Variants in DOCK3 observed in about 807,000 individuals in gnomAD.
The protein encoded by DOCK3 is dedicator of cytokinesis 3.
In DOCK3, 60 loss-of-function variants were observed where a neutral mutation model predicts 265.6. That is an observed-to-expected ratio of 0.23 (90% CI 0.18 to 0.28). The LOEUF is 0.28. Ranked by LOEUF, DOCK3 falls within the 10% of genes least tolerant of loss-of-function variation. The pLI is 1.00. For missense variants in DOCK3, 1,981 were observed against 2,594.3 expected, an observed-to-expected ratio of 0.76 and a Z score of 5.14; for synonymous variants, 881 against 938.0, an observed-to-expected ratio of 0.94 and a Z score of 1.11.
At chr3:50,847,995 A>G (rs981811972) in intron 3 of DOCK3, among the ~76,000 whole-genome samples, 26 of 150,950 alleles carry the variant, frequency 1.7e-4, no homozygotes, top group African/African-American at 5.4e-4. Context: ...TTGGGTGCCT[A>G]TGTATTTAGG....
chr3:50,759,663 C>T (rs540501455), intron 1 of DOCK3, among the ~76,000 whole-genome samples: 28 of 133,588 alleles, frequency 2.1e-4, no homozygotes, highest in Non-Finnish European at 3.6e-4. Context: ...CAAGTAAGAC[C>T]CCGTCTCTAA....
chr3:51,024,295 G>A (rs994539389), intron 5 of DOCK3, among the ~76,000 whole-genome samples: 25 of 152,124 alleles, frequency 1.6e-4, no homozygotes, highest in Non-Finnish European at 7.4e-5. Context: ...CTCTCATGGT[G>A]TATGGTTTAT....
intron 49 of DOCK3, among the ~76,000 whole-genome samples, chr3:51,370,390 A>G (rs2087583392): frequency 6.6e-6 from 1 of 152,238 alleles, no homozygotes; most frequent in Non-Finnish European, 1.5e-5. Flanking sequence ...AAGGCAACCA[A>G]GGATGGACAT....
At chr3:51,198,611 G>A (rs908421512) in intron 12 of DOCK3, among the ~76,000 whole-genome samples, 4 of 151,870 alleles carry the variant, frequency 2.6e-5, no homozygotes, top group Non-Finnish European at 5.9e-5. Context: ...GAAAGGGAGG[G>A]ATGGAGCTAG....
At chr3:51,072,230 G>A (rs4244700) in intron 6 of DOCK3, among the ~76,000 whole-genome samples, 137,114 of 152,140 alleles carry the variant, frequency 0.9, 61,981 homozygotes, top group African/African-American at 0.95. Context: ...ATGGGAGGGC[G>A]GCTGACTGTA....
intron 5 of DOCK3, among the ~76,000 whole-genome samples, chr3:51,008,718 A>G (rs539738412): frequency 7.2e-5 from 11 of 152,148 alleles, no homozygotes; most frequent in Non-Finnish European, 1.3e-4. Flanking sequence ...GAATGCTTCC[A>G]GTTTTTGCCC....
chr3:51,244,651 C>G (rs929474888), intron 21 of DOCK3, among the ~76,000 whole-genome samples: 2 of 152,086 alleles, frequency 1.3e-5, no homozygotes, highest in Non-Finnish European at 2.9e-5. Flanking sequence ...TCTTCCTTTT[C>G]AATTTGAATG....
chr3:51,036,643 C>A (rs1360574075), intron 5 of DOCK3, among the ~76,000 whole-genome samples: 1 of 151,940 alleles, frequency 6.6e-6, no homozygotes, highest in East Asian at 1.9e-4. Flanking sequence ...GGCTCCATTT[C>A]TCTTTACTTT....
chr3:51,308,160 G>T (rs1005678845), intron 27 of DOCK3, among the ~76,000 whole-genome samples: 1 of 151,838 alleles, frequency 6.6e-6, no homozygotes, highest in African/African-American at 2.4e-5. Flanking sequence ...GAGGTGGGAG[G>T]GGAAGGGAAT....
intron 20 of DOCK3, 141 bp downstream of exon 20, chr3:51,236,569 C>G (rs2078359716): frequency 1.7e-5 from 12 of 726,932 alleles, no homozygotes; most frequent in Non-Finnish European, 2.7e-5. Context: ...GACTGTCACC[C>G]AAGGAAGACC....
intron 4 of DOCK3, among the ~76,000 whole-genome samples, chr3:50,925,489 A>T (rs1173013689): frequency 6.6e-6 from 1 of 152,082 alleles, no homozygotes; most frequent in African/African-American, 2.4e-5. Context: ...GCCATAGTGC[A>T]CTATGATCAT....
rs575898198 is a variant in DOCK3 at position 51,146,540 on chromosome 3, A to G, written c.747-9A>G. On this transcript the variant is annotated splice_polypyrimidine_tract_variant and intron_variant, in intron 9 of 52. Coordinates refer to ENST00000266037, the MANE Select transcript of DOCK3 (RefSeq NM_004947.5). ...ACATTTCTCTATATCTTTCTTTCCT[A>G]CATTTCAGTGAGCGGTTTCTGGTAA... 3.8e-6 allele frequency: 6 copies of G among 1,585,148 alleles called. No homozygotes were observed. The Admixed American group carries it at 5.4e-5, about 14-fold the overall frequency.
intron 3 of DOCK3, among the ~76,000 whole-genome samples, chr3:50,865,832 G>C (rs1204508532): frequency 6.6e-6 from 1 of 152,038 alleles, no homozygotes; most frequent in Non-Finnish European, 1.5e-5. Context: ...TTGTCTTTTG[G>C]ATATAAGCCA....
intron 12 of DOCK3, among the ~76,000 whole-genome samples, chr3:51,167,767 A>G (rs1488485109): frequency 6.6e-6 from 1 of 152,094 alleles, no homozygotes; most frequent in Non-Finnish European, 1.5e-5. Context: ...GTATATAGAA[A>G]TATTGCTGAT....
chr3:51,004,867 C>G (rs572803010), intron 5 of DOCK3, among the ~76,000 whole-genome samples: 1 of 148,690 alleles, frequency 6.7e-6, no homozygotes, highest in Non-Finnish European at 1.5e-5. Flanking sequence ...TACTCTTTAT[C>G]GTTCATTCAG....
At chr3:51,370,693 T>C (rs970377529) in intron 49 of DOCK3, among the ~76,000 whole-genome samples, 2 of 152,248 alleles carry the variant, frequency 1.3e-5, no homozygotes, top group East Asian at 3.8e-4. Context: ...AACTCATTTT[T>C]ACTTCAAATG....
intron 19 of DOCK3, among the ~76,000 whole-genome samples, chr3:51,231,644 T>C (rs1196306814): frequency 6.6e-6 from 1 of 152,222 alleles, no homozygotes; most frequent in Non-Finnish European, 1.5e-5. Context: ...GTTCCTTATA[T>C]ATTCTGGATA....
intron 5 of DOCK3, among the ~76,000 whole-genome samples, chr3:51,019,838 T>C (rs1284649793): frequency 1.3e-5 from 2 of 151,974 alleles, no homozygotes; most frequent in Non-Finnish European, 2.9e-5. Flanking sequence ...TAGTATTCCA[T>C]GGTGTATATA....
intron 5 of DOCK3, among the ~76,000 whole-genome samples, chr3:50,955,814 C>T (rs958246708): frequency 3.9e-5 from 6 of 152,086 alleles, no homozygotes; most frequent in African/African-American, 7.2e-5. Flanking sequence ...CAAACCTGCA[C>T]GTGTACCCCT....
Sources: allele counts gnomAD v4.1 joint callset (sites outside exome capture counted in the v4.1 genomes callset), GRCh38; gene constraint gnomAD v4.1.1; transcripts MANE v1.5; gene names NCBI Gene and HGNC (gene_info 2026-07-23, HGNC 2026-07-21).